The following FOXO1 variants were observed in gnomAD, a reference collection of about 807,000 sequenced individuals.
The protein encoded by FOXO1 is forkhead box protein O1.
Under a neutral mutation model 44.1 loss-of-function variants are expected in FOXO1, and 6 were observed. That is an observed-to-expected ratio of 0.14 (90% CI 0.07 to 0.27). The LOEUF (loss-of-function observed/expected upper bound fraction) is 0.27, where lower values mean the gene tolerates loss of function less well. Ranked by LOEUF, FOXO1 falls within the 10% of genes least tolerant of loss-of-function variation. FOXO1 has a pLI of 1.00. For synonymous variants in FOXO1, 380 were observed against 362.7 expected, an observed-to-expected ratio of 1.05 and a Z score of -0.54; for missense variants, 737 against 888.8, an observed-to-expected ratio of 0.83 and a Z score of 2.17.
chr13:40,657,880 G>C (rs925266370), intron 1 of FOXO1, among the ~76,000 whole-genome samples: 5 of 152,050 alleles, frequency 3.3e-5, no homozygotes, highest in Admixed American at 6.6e-5. Context: ...AATAATCACT[G>C]TTCTTTAGTT....
intron 1 of FOXO1, among the ~76,000 whole-genome samples, chr13:40,600,010 A>G (rs1329319396): frequency 6.6e-6 from 1 of 152,198 alleles, no homozygotes. Flanking sequence ...GAAAGAGGAA[A>G]ACTCCAAGAA....
intron 1 of FOXO1, among the ~76,000 whole-genome samples, chr13:40,601,866 AT>A (rs776367148): frequency 5.3e-5 from 8 of 152,192 alleles, no homozygotes; most frequent in African/African-American, 9.6e-5. Context: ...AGACCTATTA[AT>A]TTTAAAAAAT....
At chr13:40,625,036 T>C (rs1233752874) in intron 1 of FOXO1, among the ~76,000 whole-genome samples, 1 of 152,188 alleles carries the variant, frequency 6.6e-6, no homozygotes, top group Non-Finnish European at 1.5e-5. Context: ...TGTAAGTCAG[T>C]AGAAATGAAA....
chr13:40,646,090 G>C (rs763720358), intron 1 of FOXO1, among the ~76,000 whole-genome samples: 14 of 151,562 alleles, frequency 9.2e-5, no homozygotes, highest in Non-Finnish European at 1.8e-4. Context: ...AAAAGTCATG[G>C]CACTCTCCAT....
chr13:40,567,348 A>C (rs1874309414), intron 1 of FOXO1, among the ~76,000 whole-genome samples: 1 of 152,052 alleles, frequency 6.6e-6, no homozygotes, highest in Non-Finnish European at 1.5e-5. Context: ...TAAACTATGT[A>C]TTTTATAGTT....
rs376610767 is a variant in FOXO1 at position 40,625,709 on chromosome 13, G to A, written c.630+39874C>T. On this transcript the variant is annotated intron_variant, in intron 1 of 2. Coordinates refer to ENST00000379561, the MANE Select transcript of FOXO1 (RefSeq NM_002015.4). ...CCACAGGGTGGGAATGTGATTATAT[G>A]ATCTTGTAATTTTACATAAGGCAAT... is the stretch of plus-strand genomic sequence containing the variant. Among the ~76,000 whole-genome samples, 24 of 151,650 alleles carry A rather than the reference G, an allele frequency of 1.6e-4. No homozygotes were observed. The East Asian group carries it at 4.5e-3, about 28-fold the overall frequency.
intron 1 of FOXO1, among the ~76,000 whole-genome samples, chr13:40,565,087 A>G (rs1381321548): frequency 4.0e-5 from 6 of 149,782 alleles, no homozygotes; most frequent in African/African-American, 1.5e-4. Context: ...TTAATTTCTA[A>G]TATCATAGCC....
chr13:40,627,831 TAA>T lies in FOXO1; in HGVS notation c.630+37750_630+37751del, dbSNP rs1166555605. ...CTGGGCAACAGAGTGATACTCCGGC[TAA>T]AAAAAAAAAAAAACAAACAAACAAC... On this transcript the variant is annotated intron_variant, in intron 1 of 2. Transcript: ENST00000379561. 3.6e-4 allele frequency among the ~76,000 whole-genome samples: 45 copies of T among 125,776 alleles called. 1 individual carries two copies. The Middle Eastern group carries it at 0.017, about 46-fold the overall frequency. The allele number at this position is 125,776 out of a possible 152,430, so 82.5% of individuals were successfully genotyped here.
chr13:40,644,793 T>G (rs972331490), intron 1 of FOXO1, among the ~76,000 whole-genome samples: 5 of 152,220 alleles, frequency 3.3e-5, no homozygotes, highest in Non-Finnish European at 7.3e-5. Context: ...ATTTAACTCC[T>G]TTTACTAATG....
At chr13:40,657,720 A>AT (rs1877902267) in intron 1 of FOXO1, among the ~76,000 whole-genome samples, 1 of 152,156 alleles carries the variant, frequency 6.6e-6, no homozygotes, top group Non-Finnish European at 1.5e-5. Context: ...ACTGTATATC[A>AT]TAGTTACTTA....
intron 1 of FOXO1, among the ~76,000 whole-genome samples, chr13:40,600,925 A>C (rs147490482): frequency 8.1e-4 from 124 of 152,326 alleles, no homozygotes; most frequent in Non-Finnish European, 1.6e-3. Flanking sequence ...GTCTTTCCTC[A>C]AGCAATCTAC....
At chr13:40,653,505 G>A (rs1171950590) in intron 1 of FOXO1, among the ~76,000 whole-genome samples, 1 of 152,204 alleles carries the variant, frequency 6.6e-6, no homozygotes, top group East Asian at 1.9e-4. Flanking sequence ...ACACTGAGGA[G>A]ACAAAGCCCA....
intron 1 of FOXO1, among the ~76,000 whole-genome samples, chr13:40,583,342 C>G (rs1367401047): frequency 6.6e-6 from 1 of 152,224 alleles, no homozygotes; most frequent in East Asian, 1.9e-4. Context: ...GCTTCAACTT[C>G]AAGCCACCAG....
chr13:40,604,687 C>T (rs1986649), intron 1 of FOXO1, among the ~76,000 whole-genome samples: 25,786 of 152,020 alleles, frequency 0.17, 2,542 homozygotes, highest in South Asian at 0.29. Context: ...GGAGTCTAAA[C>T]CAGACAACTC....
chr13:40,575,485 T>C (rs1280361286), intron 1 of FOXO1, among the ~76,000 whole-genome samples: 2 of 152,164 alleles, frequency 1.3e-5, no homozygotes, highest in Non-Finnish European at 2.9e-5. Flanking sequence ...GTCAGTTATT[T>C]TTATTGGGAA....
intron 1 of FOXO1, among the ~76,000 whole-genome samples, chr13:40,629,709 G>A (rs1432181268): frequency 2.0e-5 from 3 of 152,172 alleles, no homozygotes; most frequent in Non-Finnish European, 4.4e-5. Flanking sequence ...TAGATTTTCA[G>A]ATTAGGAATA....
At chr13:40,624,171 A>G (rs549816467) in intron 1 of FOXO1, among the ~76,000 whole-genome samples, 1 of 152,052 alleles carries the variant, frequency 6.6e-6, no homozygotes, top group African/African-American at 2.4e-5. Flanking sequence ...GACCCTCTGC[A>G]GAAGAAGCCA....
chr13:40,653,009 G>A (rs748996828), intron 1 of FOXO1, among the ~76,000 whole-genome samples: 2 of 150,814 alleles, frequency 1.3e-5, no homozygotes. Context: ...TTGCTCTGTC[G>A]CCCAGGCTGG....
intron 1 of FOXO1, among the ~76,000 whole-genome samples, chr13:40,664,623 G>C (rs1218544675): frequency 6.6e-6 from 1 of 152,234 alleles, no homozygotes; most frequent in Admixed American, 6.5e-5. Context: ...GGCAGGAAAA[G>C]ACTCACACAT....
Sources: allele counts gnomAD v4.1 joint callset (sites outside exome capture counted in the v4.1 genomes callset), GRCh38; gene constraint gnomAD v4.1.1; transcripts MANE v1.5; gene names NCBI Gene and HGNC (gene_info 2026-07-23, HGNC 2026-07-21).